The following ATL1 variants were observed in gnomAD, a reference collection of about 807,000 sequenced individuals.
ATL1 encodes the protein atlastin-1.
In ATL1, 31 loss-of-function variants were observed where a neutral mutation model predicts 75.5. The observed-to-expected ratio is 0.41, with a 90% CI of 0.31 to 0.55. The LOEUF (loss-of-function observed/expected upper bound fraction) is 0.55, where lower values mean the gene tolerates loss of function less well. Ranked by LOEUF, ATL1 falls within the 20% of genes least tolerant of loss-of-function variation. The pLI is 0.27. For missense variants in ATL1, 405 were observed against 662.6 expected (o/e 0.61, Z 4.27); for synonymous variants, 226 against 233.3 (o/e 0.97, Z 0.28).
At chr14:50,579,373 A>G (rs1372768704) in intron 1 of ATL1, among the ~76,000 whole-genome samples, 1 of 152,170 alleles carries the variant, frequency 6.6e-6, no homozygotes, top group Non-Finnish European at 1.5e-5. Context: ...CTCTGTCTTC[A>G]TTACCATAGA....
chr14:50,551,489 G>A (rs1468656900), intron 1 of ATL1, among the ~76,000 whole-genome samples: 3 of 151,936 alleles, frequency 2.0e-5, no homozygotes, highest in Non-Finnish European at 4.4e-5. Context: ...TATTTCAAAA[G>A]ATAAAGAAAG....
chr14:50,628,554 C>T (rs1199170814), intron 12 of ATL1, 92 bp downstream of exon 12: 1 of 1,349,644 alleles, frequency 7.4e-7, no homozygotes, highest in Non-Finnish European at 1.0e-6. Flanking sequence ...AAATACAGAT[C>T]AACAGGAATT....
intron 1 of ATL1, among the ~76,000 whole-genome samples, chr14:50,548,676 A>AT (rs1199927322): frequency 2.6e-5 from 4 of 151,826 alleles, no homozygotes; most frequent in Admixed American, 6.6e-5. Context: ...CGCCCAGCTA[A>AT]TTTTTTTGTA....
intron 1 of ATL1, among the ~76,000 whole-genome samples, chr14:50,551,918 A>G (rs1303854098): frequency 6.6e-6 from 1 of 152,204 alleles, no homozygotes; most frequent in African/African-American, 2.4e-5. Flanking sequence ...CCAAACAAGG[A>G]AAATTTGAAA....
chr14:50,587,564 C>T (rs1029638409), intron 1 of ATL1, among the ~76,000 whole-genome samples: 1 of 151,798 alleles, frequency 6.6e-6, no homozygotes, highest in Non-Finnish European at 1.5e-5. Context: ...CACGTGCTAC[C>T]ACACCTGACG....
chr14:50,553,826 T>C (rs1052945585), intron 1 of ATL1, among the ~76,000 whole-genome samples: 1 of 152,192 alleles, frequency 6.6e-6, no homozygotes. Flanking sequence ...TTGGAGGCCA[T>C]TATTCTAAGT....
Position 50,628,363 on chromosome 14 carries a change from C to T in ATL1, c.1452C>T (p.Thr484=), listed in dbSNP as rs752761440. 1.9e-5 allele frequency: 30 copies of T among 1,613,908 alleles called. No homozygotes were observed. Among genetic ancestry groups the T allele is most frequent in the Middle Eastern group, 1.6e-4 (1 of 6,082 alleles). ...TATGCAATATGATAATGGGACTGAC[C>T]CTTATCACCCTGTGCACTTGGGCAT... ...ASLCNMIMGL[T]LITLCTWAYI... is the part of the protein sequence containing the mutation. The change falls in exon 12 of 14, where the codon ACC becomes ACT. Residue 484 remains threonine, a synonymous_variant. Transcript: ENST00000358385.
rs111371885 is a variant in ATL1, at chr14:50,597,733, C to T, written c.630+2101C>T. Among the ~76,000 whole-genome samples, 843 of 152,124 alleles carry T rather than the reference C, an allele frequency of 5.5e-3. 5 individuals carry two copies. Among genetic ancestry groups the T allele is most frequent in the African/African-American group, 0.019 (782 of 41,492 alleles). On this transcript the variant is annotated intron_variant, in intron 6 of 13. Coordinates refer to ENST00000358385, the MANE Select transcript of ATL1 (RefSeq NM_015915.5). ...TTTTTGAGACGGAGTCTCACTCTGT[C>T]GCCCAGGCTGGAGTGCAGTGGTGCG...
intron 1 of ATL1, among the ~76,000 whole-genome samples, chr14:50,571,274 C>T (rs149330635): frequency 6.6e-6 from 1 of 152,262 alleles, no homozygotes; most frequent in African/African-American, 2.4e-5. Context: ...GCTCCCACAA[C>T]CTGCATTCAA....
intron 1 of ATL1, chr14:50,561,116 A>G (rs1172144390): frequency 6.6e-6 from 1 of 152,282 alleles, no homozygotes; most frequent in Non-Finnish European, 1.5e-5. Flanking sequence ...CAGTATGTTC[A>G]CACCGCGAGT....
intron 8 of ATL1, among the ~76,000 whole-genome samples, chr14:50,617,535 G>A (rs1258318270): frequency 6.6e-6 from 1 of 152,188 alleles, no homozygotes; most frequent in East Asian, 1.9e-4. Flanking sequence ...AGGAAATCCT[G>A]AGAAAATATC....
chr14:50,595,763 T>A, intron 6 of ATL1, 131 bp downstream of exon 6: 2 of 778,814 alleles, frequency 2.6e-6, no homozygotes, highest in Non-Finnish European at 2.2e-6. Context: ...TATTTTATGC[T>A]ATTTGATGCA....
intron 10 of ATL1, 87 bp downstream of exon 10, chr14:50,621,986 G>C: frequency 1.1e-6 from 1 of 895,924 alleles, no homozygotes; most frequent in East Asian, 2.5e-5. Context: ...AACAATATTA[G>C]ACAGAATAAT....
chr14:50,592,361 C>T (rs2039166947), intron 4 of ATL1, among the ~76,000 whole-genome samples: 1 of 151,884 alleles, frequency 6.6e-6, no homozygotes, highest in East Asian at 1.9e-4. Flanking sequence ...CTTAAAAAGG[C>T]AGAAAAGGCA....
chr14:50,550,264 C>T (rs1380459649), intron 1 of ATL1, among the ~76,000 whole-genome samples: 3 of 152,210 alleles, frequency 2.0e-5, no homozygotes, highest in Non-Finnish European at 4.4e-5. Context: ...TAAGCCAGAA[C>T]TGAAGCCTGT....
At chr14:50,544,094 A>G (rs1371218146) in intron 1 of ATL1, among the ~76,000 whole-genome samples, 2 of 152,216 alleles carry the variant, frequency 1.3e-5, no homozygotes, top group African/African-American at 4.8e-5. Context: ...AATCCCAGGT[A>G]TTCACTAGGG....
At chr14:50,558,145 G>A (rs1376140738), upstream of ATL1, among the ~76,000 whole-genome samples, 3 of 152,136 alleles carry the variant, frequency 2.0e-5, no homozygotes, top group Non-Finnish European at 2.9e-5. Context: ...TGGGCAGATC[G>A]CTTGAGCTCA....
intron 1 of ATL1, among the ~76,000 whole-genome samples, chr14:50,550,257 G>A (rs558330971): frequency 2.0e-5 from 3 of 152,338 alleles, no homozygotes; most frequent in African/African-American, 7.2e-5. Flanking sequence ...GGTACTGTAA[G>A]CCAGAACTGA....
intron 6 of ATL1, among the ~76,000 whole-genome samples, chr14:50,608,018 T>C (rs1042967123): frequency 1.3e-5 from 2 of 152,096 alleles, no homozygotes; most frequent in Non-Finnish European, 2.9e-5. Flanking sequence ...CTAATAAAAT[T>C]TGTCATGATT....
Sources: gnomAD v4.1 joint callset for allele counts (sites outside exome capture counted in the v4.1 genomes callset) on GRCh38, gnomAD v4.1.1 for gene constraint, MANE v1.5 for transcripts, NCBI Gene and HGNC (gene_info 2026-07-23, HGNC 2026-07-21) for gene names.